The following MAP7D3 variants were observed in gnomAD, a reference collection of about 807,000 sequenced individuals.
MAP7D3 encodes MAP7 domain containing 3.
Under a neutral mutation model 62.2 loss-of-function variants are expected in MAP7D3, and 45 were observed. That is an observed-to-expected ratio of 0.72 (90% CI 0.57 to 0.93). The LOEUF is 0.93. Ranked by LOEUF, MAP7D3 falls within the 40% of genes least tolerant of loss-of-function variation. The pLI, the probability that MAP7D3 is intolerant of heterozygous loss-of-function variation, is 0.00. For synonymous variants in MAP7D3, 288 were observed against 248.8 expected, an observed-to-expected ratio of 1.16 and a Z score of -1.48; for missense variants, 711 against 683.1, an observed-to-expected ratio of 1.04 and a Z score of -0.45.
In MAP7D3 at chrX:136,251,321, C is replaced by T; in HGVS notation, c.38G>A (p.Ser13Asn). ...ADGAAAGAGG[S>N]PSLRELRARM... ...TGCCCGCAGCTCTCTCAAGGATGGG[C>T]TGCCGCCAGCGCCAGCTGCGGCGCC... The change falls in exon 1 of 19, where the codon AGC (serine) becomes AAC (asparagine). Residue 13 changes from serine (S) to asparagine (N), a missense_variant. Transcript: ENST00000316077. The T allele has an allele frequency of 2.7e-6, 3 of 1,128,073 alleles. No homozygotes were observed. Among genetic ancestry groups the T allele is most frequent in the Non-Finnish European group, 3.5e-6 (3 of 858,958 alleles). 93.0% of individuals were successfully genotyped at this position (1,128,073 alleles called of 1,213,427 possible). A position where few individuals can be genotyped will look rare whatever the true frequency, so the allele number is the denominator to read the frequency against.
intron 7 of MAP7D3, among the ~76,000 whole-genome samples, chrX:136,232,795 C>T (rs1002481232): frequency 8.1e-5 from 9 of 111,348 alleles, no homozygotes; most frequent in African/African-American, 2.9e-4. Context: ...ATGAAACGGA[C>T]GAAAATGATA....
rs2074068402 is a variant in MAP7D3, at chrX:136,216,821, T to C, written c.*1705A>G. On this transcript the variant is annotated 3_prime_UTR_variant, in exon 19 of 19. Transcript: ENST00000316077. ...ATAATGAAAAAACCCTTGTTTTATC[T>C]CCAAAGTTTATTTTATATAGCACAC... is the stretch of plus-strand genomic sequence containing the variant. 8.9e-6 allele frequency: 1 copy of C among 112,085 alleles called. No homozygotes were observed. The highest frequency in any genetic ancestry group is 3.7e-4 in the South Asian group (1 of 2,695). 9.2% of individuals were successfully genotyped at this position (112,085 alleles called of 1,213,427 possible). A position where few individuals can be genotyped will look rare whatever the true frequency, so the allele number is the denominator to read the frequency against.
At chrX:136,235,604 C>T (rs1361371483) in intron 7 of MAP7D3, among the ~76,000 whole-genome samples, 1 of 110,987 alleles carries the variant, frequency 9.0e-6, no homozygotes, top group Non-Finnish European at 1.9e-5. Flanking sequence ...CAAAAATTAG[C>T]CAGGCGTGGT....
downstream of MAP7D3, chrX:136,215,113 A>T (rs1261875630): frequency 8.9e-6 from 1 of 112,212 alleles, no homozygotes; most frequent in Admixed American, 9.4e-5. Flanking sequence ...CACCATTCTC[A>T]TAAGCACCAG....
At chrX:136,216,239 T>A (rs1235779583), downstream of MAP7D3, among the ~76,000 whole-genome samples, 2 of 106,631 alleles carry the variant, frequency 1.9e-5, no homozygotes, top group African/African-American at 6.9e-5. Context: ...AAAACTCACA[T>A]CTAGGCTGGG....
downstream of MAP7D3, among the ~76,000 whole-genome samples, chrX:136,216,359 T>TAAAAAAAA (rs58245551): frequency 3.1e-3 from 77 of 24,857 alleles, no homozygotes; most frequent in Non-Finnish European, 3.5e-3. Context: ...ACCCTATCTC[T>TAAAAAAAA]AAAAAAAAAA....
rs189372684 is a variant in MAP7D3, at chrX:136,219,113, A to G, written c.*32+285T>C. ...TGATCTGCCCGCCTTGGCCTCCCAA[A>G]GTGCTGGGATTACAGGCGTAAGCCA... On this transcript the variant is annotated intron_variant, in intron 18 of 18. Transcript: ENST00000316077. 5.5e-3 allele frequency among the ~76,000 whole-genome samples: 623 copies of G among 112,683 alleles called. 4 individuals are homozygous for G. The highest frequency in any genetic ancestry group is 0.019 in the African/African-American group (596 of 31,094).
chrX:136,254,921 AAAC>A (rs1377010417), upstream of MAP7D3, among the ~76,000 whole-genome samples: 30 of 70,249 alleles, frequency 4.3e-4, no homozygotes, highest in African/African-American at 1.4e-3. Flanking sequence ...AAAAACAAAC[AAAC>A]AAAAAAAACG....
In MAP7D3 at chrX:136,249,712, A is replaced by G. The variant is rs756414416; in HGVS notation, c.70+1577T>C. 3.6e-5 allele frequency among the ~76,000 whole-genome samples: 4 copies of G among 112,377 alleles called. No individual in the cohort carries two copies. In the East Asian group the frequency reaches 1.1e-3, roughly 32 times the overall value. On this transcript the variant is annotated intron_variant, in intron 1 of 18. Transcript: ENST00000316077. ...ATGAAAACAACATTTTAGCAAAAAC[A>G]TCTGTCTCCTTGACCCCTTCAGGAA...
chrX:136,242,331 T>C (rs912146233), intron 4 of MAP7D3, among the ~76,000 whole-genome samples: 1 of 111,830 alleles, frequency 8.9e-6, no homozygotes, highest in African/African-American at 3.2e-5. Flanking sequence ...CCAAATGCAT[T>C]ACCTACTGTG....
At chrX:136,223,132 G>A (rs866670725) in intron 14 of MAP7D3, among the ~76,000 whole-genome samples, 1 of 111,138 alleles carries the variant, frequency 9.0e-6, no homozygotes, top group Non-Finnish European at 1.9e-5. Context: ...GTGAGCCACC[G>A]CACCCAGCCT....
At chrX:136,243,138 G>A (rs776449045) in intron 4 of MAP7D3, among the ~76,000 whole-genome samples, 1 of 110,943 alleles carries the variant, frequency 9.0e-6, no homozygotes, top group African/African-American at 3.3e-5. Context: ...ACTGAGCACC[G>A]CAGAGAAAGA....
At chrX:136,252,676 C>CAAAAAAA (rs770751343), upstream of MAP7D3, among the ~76,000 whole-genome samples, 11 of 36,041 alleles carry the variant, frequency 3.1e-4, no homozygotes, top group African/African-American at 4.0e-4. Context: ...GACTCTGTCT[C>CAAAAAAA]AAAAAAAAAA....
intron 14 of MAP7D3, among the ~76,000 whole-genome samples, chrX:136,223,660 A>C (rs1419344363): frequency 9.0e-6 from 1 of 111,431 alleles, no homozygotes; most frequent in East Asian, 2.8e-4. Context: ...TCACCAAAGC[A>C]AATCTCCAAC....
At chrX:136,225,877 G>T in intron 13 of MAP7D3, 32 bp downstream of exon 13, 1 of 970,535 alleles carries the variant, frequency 1.0e-6, no homozygotes, top group Non-Finnish European at 1.4e-6. Context: ...TTTAAACACA[G>T]AATCAAGTCC....
At position 136,227,439 on chromosome X, in the gene MAP7D3, T is replaced by C. The variant is rs1166885787; in HGVS notation, c.1887-8A>G. ...TTTGATTTCTTAATGACCCTGAGAGTATTTAAATAATTGTTAGTATTTATC... is the reference window on the plus strand; with the variant it reads ...TTTGATTTCTTAATGACCCTGAGAGCATTTAAATAATTGTTAGTATTTATC... On this transcript the variant is annotated splice_region_variant and splice_polypyrimidine_tract_variant and intron_variant, in intron 11 of 18. Transcript: ENST00000316077. 3 of 1,174,122 alleles carry C rather than the reference T, an allele frequency of 2.6e-6. No individual in the cohort carries two copies. The highest frequency in any genetic ancestry group is 3.7e-5 in the South Asian group (2 of 54,241).
At chrX:136,236,916 T>C (rs2074336670) in intron 6 of MAP7D3, among the ~76,000 whole-genome samples, 1 of 112,487 alleles carries the variant, frequency 8.9e-6, no homozygotes, top group Non-Finnish European at 1.9e-5. Context: ...TGTAAAGTTA[T>C]TGATAGCTGT....
intron 16 of MAP7D3, among the ~76,000 whole-genome samples, chrX:136,220,126 C>CT (rs374707417): frequency 2.9e-4 from 32 of 111,691 alleles, no homozygotes; most frequent in African/African-American, 1.0e-3. Context: ...TCCTGCTCTC[C>CT]TGACCTAACT....
At position 136,228,634 on chromosome X, in the gene MAP7D3, T is replaced by G; in HGVS notation, c.1875A>C (p.Glu625Asp). 2.5e-6 allele frequency: 3 copies of G among 1,207,422 alleles called. No homozygotes were observed. Among genetic ancestry groups the G allele is most frequent in the Non-Finnish European group, 3.4e-6 (3 of 893,600 alleles). The change falls in exon 11 of 19, where the codon GAA (glutamate) becomes GAC (aspartate). Residue 625 changes from glutamate (E) to aspartate (D), a missense_variant. Glu to Asp is a conservative substitution (Grantham distance 45). Transcript: ENST00000316077. Reference protein sequence around the residue: ...EKEEEERQREEMQQRVIKKSK... With the variant: ...EKEEEERQREDMQQRVIKKSK... ...GACTTTGTGCTGACCTTTGCTGCAT[T>G]TCTTCCCGTTGTCTTTCTTCTTCCT...
Sources: allele counts gnomAD v4.1 joint callset (sites outside exome capture counted in the v4.1 genomes callset), GRCh38; gene constraint gnomAD v4.1.1; transcripts MANE v1.5; gene names NCBI Gene and HGNC (gene_info 2026-07-23, HGNC 2026-07-21).